Variants in EML6 observed in about 807,000 individuals in gnomAD.
EML6 encodes EMAP like 6.
A neutral mutation model predicts 240.1 loss-of-function variants in EML6; 154 were observed. That is an observed-to-expected ratio of 0.64 (90% CI 0.56 to 0.73). EML6 has a LOEUF of 0.73. Among genes scored for constraint, EML6 ranks in the 30% least tolerant of loss-of-function variants. EML6 has a pLI of 0.00. For synonymous variants in EML6, 1,148 were observed against 899.0 expected (o/e 1.28, Z -4.95); for missense variants, 2,964 against 2,474.6 (o/e 1.20, Z -4.20).
intron 17 of EML6, among the ~76,000 whole-genome samples, chr2:54,888,581 C>T (rs1415124852): frequency 6.6e-6 from 1 of 152,132 alleles, no homozygotes; most frequent in Non-Finnish European, 1.5e-5. Flanking sequence ...GTAGTTTTTA[C>T]CTTTTCCAGA....
At chr2:54,826,554 C>T (rs1210755870) in intron 5 of EML6, among the ~76,000 whole-genome samples, 3 of 152,018 alleles carry the variant, frequency 2.0e-5, no homozygotes, top group Admixed American at 6.5e-5. Context: ...GAGCCAAGAT[C>T]GGGCCACTGC....
intron 25 of EML6, among the ~76,000 whole-genome samples, chr2:54,916,303 A>G (rs917452460): frequency 1.3e-5 from 2 of 152,182 alleles, no homozygotes; most frequent in African/African-American, 4.8e-5. Flanking sequence ...ACATTTGGCA[A>G]TGCCTGGGGA....
chr2:54,828,551 G>A (rs1297504787), intron 6 of EML6, among the ~76,000 whole-genome samples: 1 of 152,196 alleles, frequency 6.6e-6, no homozygotes, highest in Non-Finnish European at 1.5e-5. Flanking sequence ...AAAAGTTTAA[G>A]CAACTCTTAG....
intron 3 of EML6, among the ~76,000 whole-genome samples, chr2:54,815,800 G>A (rs1668056115): frequency 1.3e-5 from 2 of 152,168 alleles, no homozygotes; most frequent in Non-Finnish European, 2.9e-5. Context: ...AACCATATGT[G>A]GCTGTCTGTT....
At chr2:54,897,064 C>G (rs1204721271) in intron 21 of EML6, among the ~76,000 whole-genome samples, 61 of 152,050 alleles carry the variant, frequency 4.0e-4, no homozygotes, top group Admixed American at 3.7e-3. Flanking sequence ...GCCATAACTT[C>G]TAATTTAATT....
chr2:54,809,868 G>T (rs4671977), intron 2 of EML6, among the ~76,000 whole-genome samples: 1 of 151,938 alleles, frequency 6.6e-6, no homozygotes, highest in East Asian at 1.9e-4. Context: ...GCTGTGCCCT[G>T]GATGAGACAT....
intron 3 of EML6, among the ~76,000 whole-genome samples, chr2:54,814,185 T>C (rs17046380): frequency 0.26 from 40,305 of 152,140 alleles, 5,715 homozygotes; most frequent in Middle Eastern, 0.38. Context: ...GCCCTCATAG[T>C]CGAATTGGAC....
intron 2 of EML6, among the ~76,000 whole-genome samples, chr2:54,802,847 C>T (rs1247679360): frequency 1.3e-5 from 2 of 152,172 alleles, no homozygotes; most frequent in Non-Finnish European, 1.5e-5. Context: ...TAGAGAGACA[C>T]ACTCTTACAC....
At chr2:54,894,383 A>G (rs1306096022) in intron 19 of EML6, among the ~76,000 whole-genome samples, 1 of 152,194 alleles carries the variant, frequency 6.6e-6, no homozygotes, top group Admixed American at 6.5e-5. Context: ...CTGGATTTTA[A>G]TTATGGAAAT....
chr2:54,896,316 G>C (rs1244638629), intron 21 of EML6, among the ~76,000 whole-genome samples: 1 of 152,176 alleles, frequency 6.6e-6, no homozygotes, highest in Non-Finnish European at 1.5e-5. Flanking sequence ...AGATGCACCT[G>C]TGCCCCTTTG....
In EML6 at chr2:54,820,455, A is replaced by C; in HGVS notation, c.518A>C (p.His173Pro). ...AGAGTGGTTAGCTGTGGAGTAAAAC[A>C]CATAAAGGTAAAGCTTTTTGTTTTT... ...PNRVVSCGVK[H>P]IKFWTLCGNA... Residue 173 changes from histidine (H) to proline (P), a missense_variant, in exon 5 of 42, where the codon CAC (histidine) becomes CCC (proline). Coordinates refer to ENST00000356458, the MANE Select transcript of EML6 (RefSeq NM_001039753.4). 6.5e-7 allele frequency: 1 copy of C among 1,542,072 alleles called. No homozygotes were observed. The highest frequency in any genetic ancestry group is 1.2e-5 in the South Asian group (1 of 83,116).
At chr2:54,931,869 C>T (rs1219657808) in intron 28 of EML6, among the ~76,000 whole-genome samples, 2 of 152,212 alleles carry the variant, frequency 1.3e-5, no homozygotes, top group Non-Finnish European at 2.9e-5. Flanking sequence ...CTTGAGATGA[C>T]TGTAGCACCT....
intron 2 of EML6, among the ~76,000 whole-genome samples, chr2:54,731,697 C>T (rs570716592): frequency 7.9e-5 from 12 of 152,170 alleles, no homozygotes; most frequent in Middle Eastern, 6.8e-3. Flanking sequence ...GAAAACATTG[C>T]GCTGAACTAT....
At position 54,859,622 on chromosome 2, in the gene EML6, A is replaced by AG; in HGVS notation, c.1750dup (p.Ala584GlyfsTer2). On this transcript the variant is annotated frameshift_variant, in exon 12 of 42. Transcript: ENST00000356458. LOFTEE classifies it high-confidence loss of function. ...ACTTTCAGTGGGTGTTGAGCACAGGAGGGGCTGATCACTCAGTTTTCCAGT... is the reference window on the plus strand; with the variant it reads ...ACTTTCAGTGGGTGTTGAGCACAGGAGGGGGCTGATCACTCAGTTTTCCAGT... 6.4e-7 allele frequency: 1 copy of AG among 1,551,460 alleles called. No individual in the cohort carries two copies. Among genetic ancestry groups the AG allele is most frequent in the Non-Finnish European group, 8.7e-7 (1 of 1,146,888 alleles).
intron 28 of EML6, among the ~76,000 whole-genome samples, chr2:54,938,339 G>T (rs7590241): frequency 6.6e-6 from 1 of 151,924 alleles, no homozygotes; most frequent in Non-Finnish European, 1.5e-5. Flanking sequence ...TGTAATTTTA[G>T]GGTATGCAGA....
intron 28 of EML6, among the ~76,000 whole-genome samples, chr2:54,947,415 G>A (rs186930925): frequency 4.1e-4 from 63 of 152,176 alleles, no homozygotes; most frequent in Admixed American, 1.1e-3. Context: ...ATACCGTTTG[G>A]TCCAATTATC....
At chr2:54,884,506 C>G (rs757649232) in intron 17 of EML6, among the ~76,000 whole-genome samples, 24 of 152,172 alleles carry the variant, frequency 1.6e-4, no homozygotes, top group Non-Finnish European at 2.9e-4. Context: ...TCTACTACTG[C>G]TTTGGTCTTT....
chr2:54,901,435 A>C (rs1673051426), intron 22 of EML6, among the ~76,000 whole-genome samples: 1 of 152,210 alleles, frequency 6.6e-6, no homozygotes, highest in Admixed American at 6.5e-5. Flanking sequence ...GGGGAATGAT[A>C]GGCCAAGTCC....
intron 2 of EML6, among the ~76,000 whole-genome samples, chr2:54,754,195 T>G (rs1435330057): frequency 6.6e-6 from 1 of 151,852 alleles, no homozygotes; most frequent in Non-Finnish European, 1.5e-5. Flanking sequence ...CAAGCTGGCC[T>G]CAAACTCCTG....
Sources: allele counts gnomAD v4.1 joint callset (sites outside exome capture counted in the v4.1 genomes callset), GRCh38; gene constraint gnomAD v4.1.1; transcripts MANE v1.5; gene names NCBI Gene and HGNC (gene_info 2026-07-23, HGNC 2026-07-21).